The following NTRK3 variants were observed in gnomAD, a reference collection of about 807,000 sequenced individuals.
NTRK3 encodes neurotrophic receptor tyrosine kinase 3, also known as NT-3 growth factor receptor.
Under a neutral mutation model 91.7 loss-of-function variants are expected in NTRK3, and 24 were observed. The observed-to-expected ratio is 0.26, with a 90% CI of 0.19 to 0.37. The LOEUF (loss-of-function observed/expected upper bound fraction) is 0.37, where lower values mean the gene tolerates loss of function less well. Ranked by LOEUF, NTRK3 falls within the 10% of genes least tolerant of loss-of-function variation. The probability of loss-of-function intolerance (pLI) is 1.00; values close to 1 mark genes in which losing one functional copy is unlikely to be tolerated. For missense variants in NTRK3, 880 were observed against 1,068.9 expected (o/e 0.82, Z 2.46); for synonymous variants, 483 against 404.0 (o/e 1.20, Z -2.34).
intron 3 of NTRK3, among the ~76,000 whole-genome samples, chr15:88,196,312 T>A (rs1470295215): frequency 6.6e-6 from 1 of 152,086 alleles, no homozygotes; most frequent in African/African-American, 2.4e-5. Context: ...AAGATCACAT[T>A]TGTGATGCCT....
At chr15:88,140,850 C>G (rs916932175) in intron 6 of NTRK3, among the ~76,000 whole-genome samples, 7 of 152,054 alleles carry the variant, frequency 4.6e-5, no homozygotes, top group Non-Finnish European at 1.0e-4. Context: ...TAATATGGGC[C>G]TAGAGTGGAG....
At chr15:88,182,668 G>T (rs1365642384) in intron 5 of NTRK3, among the ~76,000 whole-genome samples, 1 of 152,158 alleles carries the variant, frequency 6.6e-6, no homozygotes, top group Non-Finnish European at 1.5e-5. Context: ...AGGTGCAGCA[G>T]GTTGGCACTT....
At chr15:88,211,372 C>T (rs979044716) in intron 3 of NTRK3, among the ~76,000 whole-genome samples, 6 of 152,158 alleles carry the variant, frequency 3.9e-5, no homozygotes, top group Non-Finnish European at 8.8e-5. Context: ...AATAATAGGC[C>T]GTTATAGAGA....
chr15:87,882,641 A>G (rs2065314843), intron 17 of NTRK3, among the ~76,000 whole-genome samples: 1 of 152,130 alleles, frequency 6.6e-6, no homozygotes, highest in South Asian at 2.1e-4. Flanking sequence ...AGATATAGAA[A>G]TAATTAAAAG....
At chr15:88,074,759 T>C (rs1307733851) in intron 13 of NTRK3, among the ~76,000 whole-genome samples, 2 of 152,238 alleles carry the variant, frequency 1.3e-5, no homozygotes, top group African/African-American at 4.8e-5. Flanking sequence ...CATCTTGATA[T>C]ACAGGTTCCT....
chr15:88,128,833 G>C (rs1240459114), intron 10 of NTRK3, 99 bp from the exon 11 acceptor site: 3 of 1,079,774 alleles, frequency 2.8e-6, no homozygotes. Flanking sequence ...CATTCACCAT[G>C]ATTCCCTGTT....
At chr15:88,033,140 A>G (rs1414604077) in intron 13 of NTRK3, 95 bp from the exon 14 acceptor site, 1 of 1,052,896 alleles carries the variant, frequency 9.5e-7, no homozygotes, top group African/African-American at 1.9e-5. Flanking sequence ...TGTTCCCATC[A>G]CAAACATTTT....
At chr15:88,128,674 T>C (rs746711452) in intron 11 of NTRK3, 37 bp downstream of exon 11, 7 of 1,608,680 alleles carry the variant, frequency 4.4e-6, no homozygotes, top group South Asian at 1.1e-5. Context: ...AGTATCAGAA[T>C]AAATCAGTTT....
intron 13 of NTRK3, among the ~76,000 whole-genome samples, chr15:88,039,354 C>T (rs2079388598): frequency 1.3e-5 from 2 of 152,184 alleles, no homozygotes; most frequent in Non-Finnish European, 2.9e-5. Context: ...TGCACAGACT[C>T]TCAATATCAT....
At chr15:88,055,514 T>C (rs1180642807) in intron 13 of NTRK3, among the ~76,000 whole-genome samples, 3 of 152,212 alleles carry the variant, frequency 2.0e-5, no homozygotes, top group Non-Finnish European at 4.4e-5. Flanking sequence ...ATCTTCATCA[T>C]CACAGCATCT....
chr15:88,256,487 C>A lies in NTRK3; in HGVS notation c.-218-1G>T. ...CGAGGCGCGCTCTCCGACTCCGAGA[C>A]TTTGCAGGGTTGCAACAGACGGTGG... On this transcript the variant is annotated splice_acceptor_variant, in intron 1 of 18. Transcript: ENST00000394480. LOFTEE classifies it low-confidence loss of function (5UTR_SPLICE). 2 of 518,322 alleles carry A rather than the reference C, an allele frequency of 3.9e-6. No homozygotes were observed. The highest frequency in any genetic ancestry group is 6.7e-6 in the Non-Finnish European group (2 of 300,714). 32.1% of individuals were successfully genotyped at this position (518,322 alleles called of 1,614,324 possible).
chr15:87,895,524 A>C (rs1304390803), intron 17 of NTRK3, among the ~76,000 whole-genome samples: 1 of 152,160 alleles, frequency 6.6e-6, no homozygotes. Flanking sequence ...AAAATGTTTT[A>C]CCCCAAAATA....
chr15:88,175,672 C>T (rs1412821841), intron 5 of NTRK3, among the ~76,000 whole-genome samples: 3 of 152,144 alleles, frequency 2.0e-5, no homozygotes, highest in African/African-American at 7.2e-5. Flanking sequence ...TCTCCACTAA[C>T]ATATATTGGG....
intron 13 of NTRK3, among the ~76,000 whole-genome samples, chr15:88,042,960 A>C (rs557188194): frequency 1.1e-4 from 16 of 152,352 alleles, no homozygotes; most frequent in African/African-American, 3.8e-4. Context: ...CAACAGGACA[A>C]GTCAGCCACA....
chr15:87,998,315 A>G (rs1018427873), intron 14 of NTRK3, among the ~76,000 whole-genome samples: 2 of 152,244 alleles, frequency 1.3e-5, no homozygotes, highest in Admixed American at 1.3e-4. Flanking sequence ...TTTAACCATA[A>G]CATATACTGA....
At chr15:88,137,381 G>T in intron 7 of NTRK3, 23 bp downstream of exon 7, 1 of 1,612,336 alleles carries the variant, frequency 6.2e-7, no homozygotes, top group Non-Finnish European at 8.5e-7. Context: ...GGAGCCAGCT[G>T]GGCCAGGCGG....
At chr15:87,974,758 G>T (rs1051450274) in intron 14 of NTRK3, among the ~76,000 whole-genome samples, 1 of 152,106 alleles carries the variant, frequency 6.6e-6, no homozygotes, top group African/African-American at 2.4e-5. Flanking sequence ...AGGAAAGAAC[G>T]TTGCAGATGT....
chr15:87,861,920 C>G (rs1440860930), exon 19 of NTRK3: 2 of 215,596 alleles, frequency 9.3e-6, no homozygotes, highest in East Asian at 1.4e-4. Flanking sequence ...CAGATCGTTC[C>G]TCCATTAGCA....
chr15:88,192,906 G>A (rs550007194), intron 3 of NTRK3, among the ~76,000 whole-genome samples: 17 of 151,946 alleles, frequency 1.1e-4, no homozygotes, highest in Non-Finnish European at 2.1e-4. Flanking sequence ...TGGCACAAAC[G>A]CCTGTTTATG....
Sources: gnomAD v4.1 joint callset for allele counts (sites outside exome capture counted in the v4.1 genomes callset) on GRCh38, gnomAD v4.1.1 for gene constraint, MANE v1.5 for transcripts, NCBI Gene and HGNC (gene_info 2026-07-23, HGNC 2026-07-21) for gene names.